Variants in LGSN observed in about 807,000 individuals in gnomAD.
LGSN encodes the protein lengsin, lens protein with glutamine synthetase domain.
A neutral mutation model predicts 19.5 loss-of-function variants in LGSN; 21 were observed. The ratio of observed to expected loss-of-function variants is 1.07; its 90% CI spans 0.76 to 1.55. LGSN has a LOEUF of 1.55. Ranked by LOEUF, LGSN falls within the 40% of genes most tolerant of loss-of-function variation. The pLI is 0.00. For synonymous variants in LGSN, 257 were observed against 215.6 expected (o/e 1.19, Z -1.68); for missense variants, 673 against 608.5 (o/e 1.11, Z -1.12).
At chr6:63,404,788 A>G in the LGSN span, among the ~76,000 whole-genome samples, 1 of 151,662 alleles carries the variant, frequency 6.6e-6, no homozygotes, top group East Asian at 1.9e-4. Context: ...TATACTAAAA[A>G]AAAGTATTTC....
At chr6:63,331,413 G>GA in the LGSN span, among the ~76,000 whole-genome samples, 12 of 152,094 alleles carry the variant, frequency 7.9e-5, no homozygotes, top group African/African-American at 1.7e-4. Flanking sequence ...CCGTAGTGCA[G>GA]AAAAAAATGA....
intron 1 of LGSN, among the ~76,000 whole-genome samples, chr6:63,308,614 C>CA (rs3839641): frequency 0.25 from 35,283 of 140,114 alleles, 4,363 homozygotes; most frequent in Admixed American, 0.34. Flanking sequence ...AATGTCAATA[C>CA]AAAAAAAAAA....
chr6:63,332,428 C>G, the LGSN span, among the ~76,000 whole-genome samples: 1 of 152,108 alleles, frequency 6.6e-6, no homozygotes, highest in Admixed American at 6.6e-5. Flanking sequence ...TTTGAGAGTT[C>G]CGCTCATGGC....
the LGSN span, among the ~76,000 whole-genome samples, chr6:63,459,842 A>G: frequency 6.6e-6 from 1 of 152,170 alleles, no homozygotes; most frequent in East Asian, 1.9e-4. Flanking sequence ...TGAACCCAGG[A>G]GGTGCATCAT....
At chr6:63,562,221 CAG>C in the LGSN span, among the ~76,000 whole-genome samples, 4 of 131,006 alleles carry the variant, frequency 3.1e-5, no homozygotes, top group Non-Finnish European at 6.3e-5. Flanking sequence ...TTTTTTGAGA[CAG>C]AGTTTTGCTC....
rs1333411055 is a variant in LGSN, at chr6:63,281,144, T to C, written c.407A>G (p.Asn136Ser). The C allele has an allele frequency of 1.9e-6, 3 of 1,613,822 alleles. No homozygotes were observed. The highest frequency in any genetic ancestry group is 8.5e-7 in the Non-Finnish European group (1 of 1,179,928). ...ATTAAAACATGTGGCTCTTATGTTA[T>C]TCATTTCATTGTCCTTTGGATTTGG... ...VIPNPKDNEM[N>S]NIRATCFNSD... The change falls in exon 4 of 4, where the codon AAT (asparagine) becomes AGT (serine). Residue 136 changes from asparagine (N) to serine (S), a missense_variant. Transcript: ENST00000370657.
the LGSN span, chr6:63,570,919 G>C: frequency 6.6e-6 from 1 of 151,948 alleles, no homozygotes; most frequent in Non-Finnish European, 1.5e-5. Flanking sequence ...TTTTCGACAT[G>C]AGTTCCCCAG....
the LGSN span, among the ~76,000 whole-genome samples, chr6:63,438,503 T>G: frequency 6.6e-6 from 1 of 151,656 alleles, no homozygotes; most frequent in Non-Finnish European, 1.5e-5. Context: ...CAAACAAATT[T>G]ACAAGAAAAA....
the LGSN span, among the ~76,000 whole-genome samples, chr6:63,511,246 C>CT: frequency 0.012 from 1,638 of 131,156 alleles, 6 homozygotes; most frequent in Non-Finnish European, 0.02. Context: ...AAATAGATTT[C>CT]TTTTTTTTTT....
the LGSN span, among the ~76,000 whole-genome samples, chr6:63,438,102 A>G: frequency 6.6e-6 from 1 of 152,156 alleles, no homozygotes; most frequent in African/African-American, 2.4e-5. Context: ...ATGAGTATAT[A>G]TGTATATAAT....
At chr6:63,423,497 G>T in the LGSN span, among the ~76,000 whole-genome samples, 1 of 150,458 alleles carries the variant, frequency 6.6e-6, no homozygotes, top group African/African-American at 2.4e-5. Flanking sequence ...AAATAGCTAA[G>T]CATGTAGTCC....
At chr6:63,523,337 A>T in the LGSN span, among the ~76,000 whole-genome samples, 1 of 152,108 alleles carries the variant, frequency 6.6e-6, no homozygotes, top group African/African-American at 2.4e-5. Context: ...GTTCGAGACT[A>T]GCCTGGCCAA....
At chr6:63,460,698 A>G in the LGSN span, among the ~76,000 whole-genome samples, 1 of 152,182 alleles carries the variant, frequency 6.6e-6, no homozygotes, top group African/African-American at 2.4e-5. Flanking sequence ...AGGGGAAAAA[A>G]TAATAATCAC....
chr6:63,382,610 T>C, the LGSN span, among the ~76,000 whole-genome samples: 1 of 152,172 alleles, frequency 6.6e-6, no homozygotes, highest in Non-Finnish European at 1.5e-5. Context: ...TTTCTCACTG[T>C]CTCAGAAGGA....
the LGSN span, among the ~76,000 whole-genome samples, chr6:63,528,738 G>A: frequency 6.6e-6 from 1 of 152,026 alleles, no homozygotes; most frequent in Middle Eastern, 3.2e-3. Context: ...ACTCCAGCCT[G>A]GGGGACAGAG....
the LGSN span, among the ~76,000 whole-genome samples, chr6:63,483,368 CTTT>C: frequency 7.7e-4 from 110 of 143,588 alleles, no homozygotes; most frequent in South Asian, 2.7e-3. Flanking sequence ...AAAGGAAGCT[CTTT>C]TTTTTTTTTT....
rs552325786 is a variant in LGSN at position 63,305,147 on chromosome 6, T to A, written c.31-10102A>T. 3.3e-5 allele frequency among the ~76,000 whole-genome samples: 5 copies of A among 152,300 alleles called. No homozygotes were observed. The South Asian group carries it at 1.0e-3, about 32-fold the overall frequency. The stretch of plus-strand genomic sequence containing the variant: ...GATAGATTCCAAAACAGTACAGTTT[T>A]TTTTTCTTCTGAAAACAGGAGATCC... On this transcript the variant is annotated intron_variant, in intron 1 of 3. Coordinates refer to ENST00000370657, the MANE Select transcript of LGSN (RefSeq NM_016571.3).
the LGSN span, among the ~76,000 whole-genome samples, chr6:63,438,773 A>T: frequency 6.6e-5 from 10 of 152,240 alleles, no homozygotes; most frequent in Admixed American, 2.6e-4. Context: ...AAACTAGTTC[A>T]ACCCTTGTGG....
At chr6:63,335,047 G>A in the LGSN span, among the ~76,000 whole-genome samples, 1 of 151,488 alleles carries the variant, frequency 6.6e-6, no homozygotes, top group African/African-American at 2.4e-5. Flanking sequence ...GGAGGCTGAG[G>A]CAGGAGAATC....
Sources: allele counts gnomAD v4.1 joint callset (sites outside exome capture counted in the v4.1 genomes callset), GRCh38; gene constraint gnomAD v4.1.1; transcripts MANE v1.5; gene names NCBI Gene and HGNC (gene_info 2026-07-23, HGNC 2026-07-21).